Variants in NAA11 observed in about 807,000 individuals in gnomAD.
The protein encoded by NAA11 is N-alpha-acetyltransferase 11, NatA catalytic subunit, also known as N-alpha-acetyltransferase 11.
A neutral mutation model predicts 16.1 loss-of-function variants in NAA11; 15 were observed. That is an observed-to-expected ratio of 0.93 (90% CI 0.62 to 1.44). The LOEUF is 1.44. NAA11 is among the 40% of genes most tolerant of loss of function. The pLI is 0.00. For synonymous variants in NAA11, 122 were observed against 112.4 expected (o/e 1.09, Z -0.54); for missense variants, 298 against 291.3 (o/e 1.02, Z -0.17).
chr4:79,232,979 A>G (rs1456768363), intron 2 of NAA11, among the ~76,000 whole-genome samples: 1 of 152,098 alleles, frequency 6.6e-6, no homozygotes, highest in African/African-American at 2.4e-5. Context: ...TAAAATGGTT[A>G]TAATAATATC....
intron 2 of NAA11, among the ~76,000 whole-genome samples, chr4:79,229,188 A>G (rs1292280495): frequency 2.0e-5 from 3 of 151,928 alleles, no homozygotes; most frequent in South Asian, 2.1e-4. Context: ...TAGAAATTCT[A>G]TACTTTTATA....
the NAA11 span, among the ~76,000 whole-genome samples, chr4:79,155,837 G>A: frequency 8.3e-4 from 126 of 152,324 alleles, 1 homozygote; most frequent in Admixed American, 3.9e-3. Context: ...TTGTATACAT[G>A]CTATTGTTTC....
At chr4:79,267,973 A>G (rs569339284) in intron 2 of NAA11, among the ~76,000 whole-genome samples, 1 of 152,146 alleles carries the variant, frequency 6.6e-6, no homozygotes, top group Non-Finnish European at 1.5e-5. Flanking sequence ...CCTACTTGCA[A>G]TCTAATTAAT....
chr4:79,172,985 A>G, the NAA11 span, among the ~76,000 whole-genome samples: 557 of 152,274 alleles, frequency 3.7e-3, 8 homozygotes, highest in Admixed American at 0.025. Context: ...TCCACATTTC[A>G]TTCTTTTCCA....
the NAA11 span, among the ~76,000 whole-genome samples, chr4:79,203,079 T>A: frequency 6.6e-6 from 1 of 151,672 alleles, no homozygotes; most frequent in Non-Finnish European, 1.5e-5. Context: ...TTTTAAGTAT[T>A]TATTCTAATG....
At chr4:79,299,597 TTATTATA>T (rs1365374432) in intron 1 of NAA11, 1 of 152,198 alleles carries the variant, frequency 6.6e-6, no homozygotes, top group Non-Finnish European at 1.5e-5. Context: ...TTTTTGGTAT[TTATTATA>T]TATCAGTTGA....
chr4:79,310,690 G>C (rs1723747573), intron 1 of NAA11, among the ~76,000 whole-genome samples: 2 of 152,136 alleles, frequency 1.3e-5, no homozygotes, highest in Admixed American at 6.5e-5. Context: ...GTTTTGGTTA[G>C]GTAGGTTTAA....
intron 1 of NAA11, among the ~76,000 whole-genome samples, chr4:79,294,565 C>T (rs1723166180): frequency 6.6e-6 from 1 of 152,146 alleles, no homozygotes; most frequent in African/African-American, 2.4e-5. Context: ...AAATCAGTTT[C>T]ATTTAATCTT....
chr4:79,241,545 A>G (rs1452854004), intron 2 of NAA11, among the ~76,000 whole-genome samples: 1 of 152,214 alleles, frequency 6.6e-6, no homozygotes, highest in Admixed American at 6.5e-5. Flanking sequence ...ATTTGCATAT[A>G]TTAACTTTCT....
intron 2 of NAA11, among the ~76,000 whole-genome samples, chr4:79,280,708 T>A (rs1406717227): frequency 6.6e-6 from 1 of 152,104 alleles, no homozygotes; most frequent in Non-Finnish European, 1.5e-5. Flanking sequence ...AAAGGCGGTA[T>A]CTTTCATTTT....
At chr4:79,220,289 C>T in the NAA11 span, among the ~76,000 whole-genome samples, 48 of 152,124 alleles carry the variant, frequency 3.2e-4, no homozygotes, top group Non-Finnish European at 5.1e-4. Flanking sequence ...GACGGCGTTT[C>T]GCCATATTGG....
intron 2 of NAA11, among the ~76,000 whole-genome samples, chr4:79,263,477 A>C (rs1368401162): frequency 6.6e-6 from 1 of 152,200 alleles, no homozygotes; most frequent in African/African-American, 2.4e-5. Context: ...GGGCTAACTG[A>C]ATGGTACCAT....
chr4:79,199,717 AGTT>A, the NAA11 span, among the ~76,000 whole-genome samples: 2 of 151,888 alleles, frequency 1.3e-5, no homozygotes, highest in Non-Finnish European at 1.5e-5. Context: ...GTGGCTGGTC[AGTT>A]GTTATAATTA....
the NAA11 span, among the ~76,000 whole-genome samples, chr4:79,157,251 C>A: frequency 6.6e-5 from 10 of 152,128 alleles, no homozygotes; most frequent in East Asian, 3.9e-4. Flanking sequence ...ATCTCTCACC[C>A]CCTCCCACCT....
At chr4:79,286,293 G>T (rs1722904948) in intron 2 of NAA11, among the ~76,000 whole-genome samples, 1 of 152,000 alleles carries the variant, frequency 6.6e-6, no homozygotes, top group African/African-American at 2.4e-5. Flanking sequence ...TTGTGACACA[G>T]TAAGCAGTCT....
At chr4:79,273,963 G>C (rs898593819) in intron 2 of NAA11, among the ~76,000 whole-genome samples, 36 of 151,974 alleles carry the variant, frequency 2.4e-4, no homozygotes, top group Non-Finnish European at 5.2e-4. Context: ...AGAAGCCAGA[G>C]CTTGTGGGGA....
intron 2 of NAA11, among the ~76,000 whole-genome samples, chr4:79,236,596 T>C (rs969789389): frequency 6.6e-6 from 1 of 152,256 alleles, no homozygotes. Context: ...TTGAAAAAAA[T>C]TTATGAGTTA....
intron 2 of NAA11, among the ~76,000 whole-genome samples, chr4:79,236,187 G>C (rs1369416350): frequency 6.6e-6 from 1 of 152,070 alleles, no homozygotes; most frequent in East Asian, 1.9e-4. Context: ...CAAAGACAAA[G>C]TATTGACAAA....
the NAA11 span, among the ~76,000 whole-genome samples, chr4:79,212,560 A>C: frequency 1.3e-5 from 2 of 152,032 alleles, no homozygotes; most frequent in African/African-American, 4.8e-5. Flanking sequence ...GAAAGGCTGA[A>C]TCTTCCTTGA....
Sources: allele counts gnomAD v4.1 joint callset (sites outside exome capture counted in the v4.1 genomes callset), GRCh38; gene constraint gnomAD v4.1.1; transcripts MANE v1.5; gene names NCBI Gene and HGNC (gene_info 2026-07-23, HGNC 2026-07-21).